Variants in CADM2 observed in about 807,000 individuals in gnomAD.
CADM2 encodes immunoglobulin superfamily member 4D.
A neutral mutation model predicts 49.8 loss-of-function variants in CADM2; 12 were observed. The observed-to-expected ratio is 0.24, with a 90% CI of 0.15 to 0.39. CADM2 has a LOEUF of 0.39. Among genes scored for constraint, CADM2 ranks in the 10% least tolerant of loss-of-function variants. The pLI, the probability that CADM2 is intolerant of heterozygous loss-of-function variation, is 1.00. For synonymous variants in CADM2, 214 were observed against 175.4 expected (o/e 1.22, Z -1.74); for missense variants, 378 against 492.3 (o/e 0.77, Z 2.20).
At chr3:86,029,967 G>A (rs1306848311) in intron 8 of CADM2, among the ~76,000 whole-genome samples, 1 of 152,026 alleles carries the variant, frequency 6.6e-6, no homozygotes, top group African/African-American at 2.4e-5. Context: ...AAAGCAAGCA[G>A]AGGAGAAACA....
intron 1 of CADM2, among the ~76,000 whole-genome samples, chr3:85,626,845 A>C (rs2064144630): frequency 6.6e-6 from 1 of 152,020 alleles, no homozygotes; most frequent in African/African-American, 2.4e-5. Context: ...TGGCATAGTA[A>C]ATCAGTGCAT....
intron 1 of CADM2, among the ~76,000 whole-genome samples, chr3:85,074,536 A>G (rs1160399964): frequency 6.6e-6 from 1 of 152,192 alleles, no homozygotes; most frequent in Non-Finnish European, 1.5e-5. Flanking sequence ...TCACTGACAT[A>G]TACCAAGCAG....
chr3:85,313,956 T>A (rs1417941838), intron 1 of CADM2, among the ~76,000 whole-genome samples: 1 of 152,230 alleles, frequency 6.6e-6, no homozygotes, highest in Non-Finnish European at 1.5e-5. Flanking sequence ...AGTCGTGCGA[T>A]CTCGACTCAC....
At chr3:85,622,532 C>G (rs2064005992) in intron 1 of CADM2, among the ~76,000 whole-genome samples, 1 of 152,108 alleles carries the variant, frequency 6.6e-6, no homozygotes, top group Non-Finnish European at 1.5e-5. Context: ...TTCATTCACT[C>G]TACACAAAAT....
chr3:85,140,722 T>G (rs1575963964), intron 1 of CADM2, among the ~76,000 whole-genome samples: 2 of 152,186 alleles, frequency 1.3e-5, no homozygotes, highest in East Asian at 3.9e-4. Context: ...ATTTGACAGG[T>G]AACATGTAGA....
chr3:85,531,041 T>C lies in CADM2; in HGVS notation c.62-195481T>C, dbSNP rs539765892. Among the ~76,000 whole-genome samples the C allele has an allele frequency of 5.9e-5, 9 of 152,286 alleles. No homozygotes were observed. The East Asian group carries it at 1.7e-3, about 29-fold the overall frequency. ...TTTGAAAATTGTGTATGAAAGCTTC[T>C]ACTCAGTATCTGTTGTTTACCTTCA... On this transcript the variant is annotated intron_variant, in intron 1 of 9. Transcript: ENST00000383699.
chr3:85,333,591 AT>A (rs2044997071), intron 1 of CADM2, among the ~76,000 whole-genome samples: 1 of 151,748 alleles, frequency 6.6e-6, no homozygotes, highest in African/African-American at 2.4e-5. Context: ...AATTAGGTTA[AT>A]CATTTTAAAT....
chr3:85,834,735 T>TG (rs200444156), intron 3 of CADM2, among the ~76,000 whole-genome samples: 4 of 146,834 alleles, frequency 2.7e-5, no homozygotes, highest in South Asian at 2.1e-4. Flanking sequence ...TGTATCTTCT[T>TG]GGGGAAAAAA....
chr3:85,325,189 A>G (rs1012114142), intron 1 of CADM2, among the ~76,000 whole-genome samples: 1 of 152,214 alleles, frequency 6.6e-6, no homozygotes, highest in African/African-American at 2.4e-5. Flanking sequence ...TAACGTCGAG[A>G]TCTTCAACAT....
intron 1 of CADM2, among the ~76,000 whole-genome samples, chr3:85,550,580 A>T (rs2061777705): frequency 2.6e-5 from 4 of 152,202 alleles, no homozygotes; most frequent in Admixed American, 2.6e-4. Flanking sequence ...ACTCTTTTCT[A>T]GTGGTAAATT....
intron 1 of CADM2, among the ~76,000 whole-genome samples, chr3:85,032,654 T>C (rs2035037236): frequency 6.6e-6 from 1 of 152,200 alleles, no homozygotes; most frequent in Non-Finnish European, 1.5e-5. Flanking sequence ...AAGTCTGCAT[T>C]CTTATATTAA....
chr3:85,637,021 T>C (rs2107538180), intron 1 of CADM2, among the ~76,000 whole-genome samples: 1 of 152,306 alleles, frequency 6.6e-6, no homozygotes, highest in East Asian at 1.9e-4. Context: ...ATTATAATCT[T>C]TCTTTAATAG....
intron 1 of CADM2, among the ~76,000 whole-genome samples, chr3:85,609,922 T>C (rs957243055): frequency 3.9e-5 from 6 of 152,066 alleles, no homozygotes; most frequent in African/African-American, 1.4e-4. Context: ...TCTTTGTGCG[T>C]ATGTGTTAGC....
At chr3:85,333,161 C>T (rs1261631095) in intron 1 of CADM2, among the ~76,000 whole-genome samples, 11 of 151,532 alleles carry the variant, frequency 7.3e-5, no homozygotes, top group Non-Finnish European at 1.5e-4. Context: ...GTAGAAAGAA[C>T]TCAGTGTTTA....
At chr3:85,558,138 G>A (rs1266713972) in intron 1 of CADM2, among the ~76,000 whole-genome samples, 2 of 151,794 alleles carry the variant, frequency 1.3e-5, no homozygotes, top group African/African-American at 4.8e-5. Context: ...AGAGAGAAAG[G>A]CGTTATGTTC....
At chr3:85,066,609 G>A (rs1441398716) in intron 1 of CADM2, among the ~76,000 whole-genome samples, 1 of 151,976 alleles carries the variant, frequency 6.6e-6, no homozygotes, top group Non-Finnish European at 1.5e-5. Flanking sequence ...GCTGCTGAAT[G>A]CTCGTCTGAC....
chr3:85,911,183 T>C (rs949199640), intron 5 of CADM2, among the ~76,000 whole-genome samples: 4 of 152,152 alleles, frequency 2.6e-5, no homozygotes, highest in South Asian at 2.1e-4. Context: ...GAATACACTT[T>C]TCCATCAACT....
At chr3:85,199,180 C>A (rs1029276655) in intron 1 of CADM2, among the ~76,000 whole-genome samples, 2 of 151,824 alleles carry the variant, frequency 1.3e-5, no homozygotes, top group African/African-American at 4.8e-5. Flanking sequence ...CTGTACTGTG[C>A]ATAAAATATC....
intron 1 of CADM2, among the ~76,000 whole-genome samples, chr3:85,592,530 G>T (rs1423135994): frequency 6.6e-6 from 1 of 151,898 alleles, no homozygotes; most frequent in Non-Finnish European, 1.5e-5. Flanking sequence ...TAGGTTAGAG[G>T]ATGGAATTTA....
Sources: allele counts gnomAD v4.1 joint callset (sites outside exome capture counted in the v4.1 genomes callset), GRCh38; gene constraint gnomAD v4.1.1; transcripts MANE v1.5; gene names NCBI Gene and HGNC (gene_info 2026-07-23, HGNC 2026-07-21).